The following ZFYVE27 variants were observed in gnomAD, a reference collection of about 807,000 sequenced individuals.
ZFYVE27 encodes protrudin.
In ZFYVE27, 36 loss-of-function variants were observed where a neutral mutation model predicts 52.8. The ratio of observed to expected loss-of-function variants is 0.68; its 90% confidence interval spans 0.52 to 0.90. The LOEUF is 0.90. ZFYVE27 is among the 40% of genes least tolerant of loss of function. The pLI, the probability that ZFYVE27 is intolerant of heterozygous loss-of-function variation, is 0.00. For synonymous variants in ZFYVE27, 223 were observed against 215.6 expected (o/e 1.03, Z -0.30); for missense variants, 450 against 527.2 (o/e 0.85, Z 1.43).
intron 2 of ZFYVE27, 52 bp from the exon 3 acceptor site, chr10:97,743,042 C>T: frequency 6.2e-7 from 1 of 1,602,222 alleles, no homozygotes; most frequent in Non-Finnish European, 8.6e-7. Flanking sequence ...GGTCTCCCCT[C>T]CCCAGCTGGA....
At chr10:97,748,446 C>A in intron 5 of ZFYVE27, 82 bp downstream of exon 5, 1 of 1,377,044 alleles carries the variant, frequency 7.3e-7, no homozygotes, top group Non-Finnish European at 1.0e-6. Flanking sequence ...CTTGAGAGGA[C>A]CTCTGCCCCT....
At chr10:97,738,451 A>G in intron 1 of ZFYVE27, 26 bp from the exon 2 acceptor site, 1 of 1,612,696 alleles carries the variant, frequency 6.2e-7, no homozygotes, top group Non-Finnish European at 8.5e-7. Flanking sequence ...GTGCAATGCA[A>G]ATGTTGGGAA....
intron 3 of ZFYVE27, among the ~76,000 whole-genome samples, chr10:97,744,186 C>T (rs376509783): frequency 5.3e-5 from 8 of 152,184 alleles, no homozygotes; most frequent in African/African-American, 1.9e-4. Flanking sequence ...TATTATGGGC[C>T]CGCTGCTCTG....
intron 7 of ZFYVE27, among the ~76,000 whole-genome samples, chr10:97,750,994 C>T (rs35079790): frequency 1.3e-3 from 195 of 152,282 alleles, no homozygotes; most frequent in Non-Finnish European, 2.4e-3. Context: ...GTGCCTGCCT[C>T]GGCCTCCCAA....
intron 3 of ZFYVE27, 145 bp downstream of exon 3, chr10:97,743,309 C>G (rs2044248391): frequency 2.0e-6 from 2 of 992,540 alleles, no homozygotes; most frequent in Non-Finnish European, 3.2e-6. Flanking sequence ...TCAGAAACAG[C>G]CTCCAGAGGG....
rs747783798 is a variant in ZFYVE27 at position 97,748,375 on chromosome 10, C to T, written c.551+11C>T. 2.5e-5 allele frequency: 41 copies of T among 1,613,138 alleles called. 1 individual carries two copies. The South Asian group carries it at 3.7e-4, about 15-fold the overall frequency. On this transcript the variant is annotated intron_variant, in intron 5 of 12. Transcript: ENST00000684270. ...CGTCGTGTCCTCACAGTGAGTGACC[C>T]CTCCTCTCCCGCCACCACCCTATAG... is the stretch of plus-strand genomic sequence containing the variant.
In ZFYVE27 at chr10:97,759,411, T is replaced by C; in HGVS notation, c.*111T>C. On this transcript the variant is annotated 3_prime_UTR_variant, in exon 13 of 13. Coordinates refer to ENST00000684270, the MANE Select transcript of ZFYVE27 (RefSeq NM_001385875.1). ...GTGTGCTGGGCAAATGTGGCCTGAA[T>C]GCTAGGTAGGCTTCCCCTTCCTTCC... The C allele has an allele frequency of 8.8e-7, 1 of 1,133,258 alleles. No individual in the cohort carries two copies. The highest frequency in any genetic ancestry group is 1.3e-5 in the South Asian group (1 of 78,584). The allele number at this position is 1,133,258 out of a possible 1,614,324, so 70.2% of individuals were successfully genotyped here.
intron 2 of ZFYVE27, among the ~76,000 whole-genome samples, chr10:97,742,852 T>G (rs555395564): frequency 6.6e-6 from 1 of 152,370 alleles, no homozygotes; most frequent in South Asian, 2.1e-4. Flanking sequence ...TTATAAATTC[T>G]TCTTCCTTTT....
intron 3 of ZFYVE27, 100 bp downstream of exon 3, chr10:97,743,264 C>T (rs72835978): frequency 0.1 from 142,751 of 1,369,434 alleles, 8,264 homozygotes; most frequent in Non-Finnish European, 0.12. Flanking sequence ...GCTCTTGTTG[C>T]CCTGGAGTTA....
Position 97,759,867 on chromosome 10 carries a change from G to A in ZFYVE27, c.*567G>A. Reference sequence around the variant, plus strand: ...GTGGCCAGGCCTAACAAGACCATGGGTGCTTCTAGAAACAGGGTTGAAGTT... The same window carrying A: ...GTGGCCAGGCCTAACAAGACCATGGATGCTTCTAGAAACAGGGTTGAAGTT... On this transcript the variant is annotated 3_prime_UTR_variant, in exon 13 of 13. Coordinates refer to ENST00000684270, the MANE Select transcript of ZFYVE27 (RefSeq NM_001385875.1). 1 of 171,522 alleles carries A rather than the reference G, an allele frequency of 5.8e-6. No homozygotes were observed. The highest frequency in any genetic ancestry group is 5.4e-5 in the Admixed American group (1 of 18,536). The allele number at this position is 171,522 out of a possible 1,614,324, so 10.6% of individuals were successfully genotyped here. A position where few individuals can be genotyped will look rare whatever the true frequency, so the allele number is the denominator to read the frequency against.
intron 2 of ZFYVE27, among the ~76,000 whole-genome samples, chr10:97,741,425 T>A (rs1351356377): frequency 6.6e-6 from 1 of 152,182 alleles, no homozygotes; most frequent in Non-Finnish European, 1.5e-5. Context: ...TGGAATACTA[T>A]GTGCAGCCAT....
intron 4 of ZFYVE27, among the ~76,000 whole-genome samples, chr10:97,745,724 A>G (rs1362056174): frequency 2.0e-5 from 3 of 152,336 alleles, no homozygotes; most frequent in Non-Finnish European, 2.9e-5. Flanking sequence ...GATATTAGTT[A>G]TCATCACTAC....
chr10:97,758,306 A>G (rs1394596212), intron 12 of ZFYVE27: 1 of 151,670 alleles, frequency 6.6e-6, no homozygotes, highest in Non-Finnish European at 1.5e-5. Flanking sequence ...GTTTTGTAGT[A>G]TAATGTTAAA....
intron 12 of ZFYVE27, 96 bp downstream of exon 12, chr10:97,757,819 C>T: frequency 3.9e-6 from 5 of 1,296,350 alleles, no homozygotes; most frequent in Middle Eastern, 1.9e-4. Flanking sequence ...GTCAAGGGAA[C>T]TTGGGATTGT....
intron 6 of ZFYVE27, among the ~76,000 whole-genome samples, 169 bp downstream of exon 6, chr10:97,749,755 T>C (rs1294700757): frequency 1.3e-5 from 2 of 152,214 alleles, no homozygotes; most frequent in Non-Finnish European, 2.9e-5. Flanking sequence ...AGATGTTAGA[T>C]GAAGCTGGAA....
At chr10:97,746,051 ATTTTTTT>A (rs71488840) in intron 4 of ZFYVE27, among the ~76,000 whole-genome samples, 2 of 64,170 alleles carry the variant, frequency 3.1e-5, no homozygotes, top group African/African-American at 8.8e-5. Flanking sequence ...ATATATATAT[ATTTTTTT>A]TTTTTTTTGA....
intron 4 of ZFYVE27, 84 bp downstream of exon 4, chr10:97,744,999 C>T: frequency 6.9e-7 from 1 of 1,449,618 alleles, no homozygotes; most frequent in South Asian, 1.2e-5. Context: ...TGCTCGACAT[C>T]ATATTAGGCA....
At chr10:97,748,829 T>A (rs563086719) in intron 5 of ZFYVE27, among the ~76,000 whole-genome samples, 41 of 152,352 alleles carry the variant, frequency 2.7e-4, no homozygotes, top group Admixed American at 9.8e-4. Flanking sequence ...TGTTACAGAT[T>A]TAGTCAATTT....
At chr10:97,749,722 C>T (rs1353710761) in intron 6 of ZFYVE27, 136 bp downstream of exon 6, 2 of 724,222 alleles carry the variant, frequency 2.8e-6, no homozygotes, top group Non-Finnish European at 5.0e-6. Context: ...CTGGGGTCCT[C>T]TCTCATGGGC....
Sources: allele counts gnomAD v4.1 joint callset (sites outside exome capture counted in the v4.1 genomes callset), GRCh38; gene constraint gnomAD v4.1.1; transcripts MANE v1.5; gene names NCBI Gene and HGNC (gene_info 2026-07-23, HGNC 2026-07-21).